The following PMS1 variants were observed in gnomAD, a reference collection of about 807,000 sequenced individuals.
PMS1 encodes the protein PMS1 protein homolog 1.
PMS1 carries 79 observed loss-of-function variants against 93.1 expected under a neutral mutation model. The observed-to-expected ratio is 0.85, with a 90% CI of 0.71 to 1.02. The LOEUF is 1.02. Among genes scored for constraint, PMS1 ranks in the 50% least tolerant of loss-of-function variants. The probability of loss-of-function intolerance (pLI) is 0.00; values close to 1 mark genes in which losing one functional copy is unlikely to be tolerated. For missense variants in PMS1, 1,064 were observed against 1,085.3 expected (o/e 0.98, Z 0.28); for synonymous variants, 335 against 363.4 (o/e 0.92, Z 0.89).
At chr2:189,789,911 C>T (rs1337850282) in intron 1 of PMS1, among the ~76,000 whole-genome samples, 1 of 152,180 alleles carries the variant, frequency 6.6e-6, no homozygotes, top group African/African-American at 2.4e-5. Context: ...CAATAAGATG[C>T]AAAAAGCACC....
intron 1 of PMS1, chr2:189,785,293 G>T (rs769717347): frequency 1.3e-5 from 2 of 152,134 alleles, no homozygotes; most frequent in African/African-American, 4.8e-5. Context: ...TGATTTCTTT[G>T]TGTTCTCTCT....
At chr2:189,855,357 TA>T (rs1200181632) in intron 9 of PMS1, among the ~76,000 whole-genome samples, 2 of 151,726 alleles carry the variant, frequency 1.3e-5, no homozygotes, top group African/African-American at 4.8e-5. Context: ...GTTTAAGCCT[TA>T]ACTGCTTTCT....
At position 189,864,002 on chromosome 2, in the gene PMS1, TTAAAAA is replaced by T; in HGVS notation, c.2121_2126del (p.Lys707_Ile708del). ...ACAGATCCCCTTTTCTATGAAAAAC[TTAAAAA>T]TAAATTTTAAGAAACAAAACAAAGT... On this transcript the variant is annotated inframe_deletion, in exon 10 of 13. Transcript: ENST00000441310. 2 of 1,608,742 alleles carry T rather than the reference TTAAAAA, an allele frequency of 1.2e-6. No individual in the cohort carries two copies. The highest frequency in any genetic ancestry group is 2.2e-5 in the East Asian group (1 of 44,818).
intron 3 of PMS1, among the ~76,000 whole-genome samples, chr2:189,798,577 C>T (rs1395570427): frequency 1.3e-5 from 2 of 152,072 alleles, no homozygotes; most frequent in South Asian, 2.1e-4. Flanking sequence ...GGGCATTGTC[C>T]GTTTTTCTCC....
intron 2 of PMS1, 66 bp from the exon 3 acceptor site, chr2:189,795,703 T>G: frequency 7.9e-7 from 1 of 1,271,334 alleles, no homozygotes; most frequent in East Asian, 2.4e-5. Context: ...TCACTTGTGT[T>G]TCTTTCTAAG....
chr2:189,855,902 TC>T, intron 9 of PMS1: 1 of 1,040,620 alleles, frequency 9.6e-7, no homozygotes, highest in East Asian at 8.2e-5. Flanking sequence ...AAATTATACC[TC>T]CAATCATATA....
At chr2:189,804,428 C>G (rs1185022669) in intron 3 of PMS1, among the ~76,000 whole-genome samples, 3 of 152,154 alleles carry the variant, frequency 2.0e-5, no homozygotes, top group Non-Finnish European at 4.4e-5. Flanking sequence ...CTCAGAAACT[C>G]CCAACTTTGT....
intron 10 of PMS1, among the ~76,000 whole-genome samples, chr2:189,864,676 AAAAAAAAAAAAATATATATATATAT>A (rs2056422417): frequency 4.4e-5 from 2 of 45,716 alleles, no homozygotes; most frequent in Non-Finnish European, 8.0e-5. Flanking sequence ...AAAAAAAAAA[AAAAAAAAAAAAATATATATATATAT>A]ATATATATAT....
chr2:189,840,706 G>A (rs1411923285), intron 5 of PMS1, among the ~76,000 whole-genome samples: 2 of 152,048 alleles, frequency 1.3e-5, no homozygotes, highest in Non-Finnish European at 2.9e-5. Context: ...TTAGGTATAA[G>A]GATCTGCATA....
chr2:189,806,024 C>T lies in PMS1; in HGVS notation c.418+270C>T, dbSNP rs1033324491. 11 of 1,051,532 alleles carry T rather than the reference C, an allele frequency of 1.0e-5. No individual in the cohort carries two copies. In the African/African-American group the frequency reaches 1.6e-4, roughly 15 times the overall value. The allele number at this position is 1,051,532 out of a possible 1,614,324, so 65.1% of individuals were successfully genotyped here. ...TAAAAACTAAGAGTATTTATTTTACCAGTGCTGGATTACCAGTGTCATCTT... is the reference window on the plus strand; with the variant it reads ...TAAAAACTAAGAGTATTTATTTTACTAGTGCTGGATTACCAGTGTCATCTT... On this transcript the variant is annotated intron_variant, in intron 4 of 12. Transcript: ENST00000441310.
intron 1 of PMS1, among the ~76,000 whole-genome samples, chr2:189,784,931 G>A (rs938649000): frequency 6.6e-6 from 1 of 152,212 alleles, no homozygotes; most frequent in Non-Finnish European, 1.5e-5. Context: ...GTATCCTGTG[G>A]CATCATACAA....
At chr2:189,872,780 G>A (rs150418627) in intron 11 of PMS1, among the ~76,000 whole-genome samples, 248 of 152,082 alleles carry the variant, frequency 1.6e-3, no homozygotes, top group African/African-American at 5.9e-3. Context: ...CTACAGGCAC[G>A]TACCACCACA....
chr2:189,830,035 C>A (rs2052781199), intron 5 of PMS1, among the ~76,000 whole-genome samples: 1 of 152,172 alleles, frequency 6.6e-6, no homozygotes, highest in South Asian at 2.1e-4. Flanking sequence ...AGAGTAAAAT[C>A]AAAGCCTTTA....
intron 3 of PMS1, among the ~76,000 whole-genome samples, chr2:189,801,224 CTG>C (rs1181661101): frequency 6.6e-5 from 10 of 152,288 alleles, no homozygotes; most frequent in Middle Eastern, 3.4e-3. Context: ...CTTTCATGAT[CTG>C]TGATGAGTAT....
intron 1 of PMS1, among the ~76,000 whole-genome samples, chr2:189,790,899 T>G (rs953498628): frequency 2.0e-5 from 3 of 152,184 alleles, no homozygotes; most frequent in Non-Finnish European, 4.4e-5. Flanking sequence ...AGGAAAGTTG[T>G]GGGTTTAGGG....
chr2:189,865,812 C>A (rs1186229606), intron 10 of PMS1, among the ~76,000 whole-genome samples: 1 of 151,906 alleles, frequency 6.6e-6, no homozygotes, highest in Non-Finnish European at 1.5e-5. Context: ...ATAATAAAAA[C>A]CTGAAGTTTA....
chr2:189,796,496 T>C (rs2049369505), intron 3 of PMS1, among the ~76,000 whole-genome samples: 1 of 152,216 alleles, frequency 6.6e-6, no homozygotes, highest in South Asian at 2.1e-4. Flanking sequence ...ACCTTTTCAT[T>C]ATTTCAAACT....
In PMS1 at chr2:189,820,650, T is replaced by C. The variant is rs369642330; in HGVS notation, c.582+2470T>C. On this transcript the variant is annotated intron_variant, in intron 5 of 12. Coordinates refer to ENST00000441310, the MANE Select transcript of PMS1 (RefSeq NM_000534.5). ...ATTTTAATACTACTTTATATTTATA[T>C]AGTTTTTTCCCATGTTTCAGAACAG... is the stretch of plus-strand genomic sequence containing the variant. 2.4e-4 allele frequency among the ~76,000 whole-genome samples: 37 copies of C among 152,270 alleles called. No homozygotes were observed. The East Asian group carries it at 4.2e-3, about 17-fold the overall frequency.
intron 5 of PMS1, among the ~76,000 whole-genome samples, chr2:189,819,077 G>A (rs2051588038): frequency 6.6e-6 from 1 of 152,098 alleles, no homozygotes; most frequent in African/African-American, 2.4e-5. Flanking sequence ...AGTCTCCATT[G>A]TCTATCATTC....
Sources: allele counts gnomAD v4.1 joint callset (sites outside exome capture counted in the v4.1 genomes callset), GRCh38; gene constraint gnomAD v4.1.1; transcripts MANE v1.5; gene names NCBI Gene and HGNC (gene_info 2026-07-23, HGNC 2026-07-21).